VGLL4: variants seen among roughly 807,000 people sequenced by gnomAD.
VGLL4 encodes vestigial like family member 4.
A neutral mutation model predicts 21.0 loss-of-function variants in VGLL4; 7 were observed. The observed-to-expected ratio is 0.33, with a 90% CI of 0.19 to 0.63. VGLL4 has a LOEUF of 0.63. VGLL4 is among the 20% of genes least tolerant of loss of function. The pLI is 0.78. For synonymous variants in VGLL4, 222 were observed against 173.2 expected (o/e 1.28, Z -2.21); for missense variants, 394 against 425.7 (o/e 0.93, Z 0.66).
intron 2 of VGLL4, among the ~76,000 whole-genome samples, chr3:11,667,412 C>T (rs966091616): frequency 1.3e-5 from 2 of 152,210 alleles, no homozygotes; most frequent in African/African-American, 2.4e-5. Flanking sequence ...CTTTATATTA[C>T]GTACCTTTAT....
chr3:11,628,001 G>A (rs1349093036), intron 1 of VGLL4, among the ~76,000 whole-genome samples: 1 of 152,200 alleles, frequency 6.6e-6, no homozygotes, highest in Non-Finnish European at 1.5e-5. Context: ...AGCTACATGA[G>A]AGGCTTCTGA....
At chr3:11,611,583 T>TG (rs2075063637) in intron 1 of VGLL4, 1 of 152,260 alleles carries the variant, frequency 6.6e-6, no homozygotes, top group South Asian at 2.1e-4. Flanking sequence ...AACCTGGTTC[T>TG]GACACCAAAG....
intron 1 of VGLL4, among the ~76,000 whole-genome samples, chr3:11,640,838 C>A (rs1406995048): frequency 6.6e-6 from 1 of 152,140 alleles, no homozygotes; most frequent in East Asian, 1.9e-4. Flanking sequence ...ACAGTACAGG[C>A]TGAGTGCGGT....
At chr3:11,606,841 G>A (rs575852151) in intron 1 of VGLL4, among the ~76,000 whole-genome samples, 1 of 152,242 alleles carries the variant, frequency 6.6e-6, no homozygotes, top group East Asian at 1.9e-4. Context: ...TCCACGCTGT[G>A]GAAGCTTTGT....
intron 2 of VGLL4, among the ~76,000 whole-genome samples, chr3:11,686,130 A>C (rs1286935852): frequency 6.6e-6 from 1 of 152,206 alleles, no homozygotes; most frequent in East Asian, 1.9e-4. Flanking sequence ...GCAGTTCCTC[A>C]AAAAATTTTT....
chr3:11,689,829 C>T (rs1386755247), intron 2 of VGLL4, among the ~76,000 whole-genome samples: 1 of 152,226 alleles, frequency 6.6e-6, no homozygotes, highest in Non-Finnish European at 1.5e-5. Flanking sequence ...TACAAGTAAA[C>T]AAGCACGGAG....
chr3:11,613,064 C>CA (rs969398797), intron 1 of VGLL4, among the ~76,000 whole-genome samples: 74 of 141,320 alleles, frequency 5.2e-4, no homozygotes, highest in Non-Finnish European at 5.8e-4. Context: ...TGAGGGTAAG[C>CA]AAAAAAAAAA....
At chr3:11,684,884 G>C (rs777804592) in intron 2 of VGLL4, among the ~76,000 whole-genome samples, 2 of 151,930 alleles carry the variant, frequency 1.3e-5, no homozygotes, top group Non-Finnish European at 2.9e-5. Context: ...TGTTTTATAG[G>C]TAAACTTGTG....
chr3:11,598,665 A>AT (rs2074706432), intron 2 of VGLL4, among the ~76,000 whole-genome samples: 1 of 151,774 alleles, frequency 6.6e-6, no homozygotes, highest in Non-Finnish European at 1.5e-5. Context: ...AATTTTTAAA[A>AT]TTTTTTGTAG....
At chr3:11,713,568 T>TTATATATATATATATATATA (rs10690353) in intron 1 of VGLL4, among the ~76,000 whole-genome samples, 38 of 140,284 alleles carry the variant, frequency 2.7e-4, no homozygotes, top group East Asian at 1.2e-3. Flanking sequence ...TATATATTAT[T>TTATATATATATATATATATA]TATATATATA....
Position 11,643,303 on chromosome 3 carries a change from T to A in VGLL4, c.82+134A>T, listed in dbSNP as rs567510931. 1.6e-4 allele frequency: 221 copies of A among 1,364,162 alleles called. 1 individual carries two copies. The African/African-American group carries it at 2.7e-3, about 17-fold the overall frequency. The allele number at this position is 1,364,162 out of a possible 1,614,324, so 84.5% of individuals were successfully genotyped here. A position where few individuals can be genotyped will look rare whatever the true frequency, so the allele number is the denominator to read the frequency against. ...AACACACTCGGTGCCGAACCGAACCTAAGAAACGCCGGCCTTTCAAGTGCC... is the reference window on the plus strand; with the variant it reads ...AACACACTCGGTGCCGAACCGAACCAAAGAAACGCCGGCCTTTCAAGTGCC... On this transcript the variant is annotated intron_variant, in intron 1 of 4. Coordinates refer to ENST00000430365, the MANE Select transcript of VGLL4 (RefSeq NM_001128219.3).
intron 1 of VGLL4, among the ~76,000 whole-genome samples, chr3:11,613,642 G>A (rs1485653351): frequency 6.6e-6 from 1 of 152,136 alleles, no homozygotes; most frequent in Non-Finnish European, 1.5e-5. Context: ...AGTGGGCTGT[G>A]GAGTCAGAAA....
intron 1 of VGLL4, among the ~76,000 whole-genome samples, chr3:11,641,794 G>A (rs564161385): frequency 6.6e-6 from 1 of 152,132 alleles, no homozygotes; most frequent in East Asian, 1.9e-4. Context: ...AGTTTCCTGG[G>A]TGTTGCATGC....
chr3:11,589,650 G>C (rs749250495), intron 2 of VGLL4, among the ~76,000 whole-genome samples: 6 of 152,204 alleles, frequency 3.9e-5, no homozygotes, highest in Admixed American at 3.3e-4. Context: ...TGTGGACTTC[G>C]TGACTTAAAC....
chr3:11,615,401 C>A (rs1279098447), intron 1 of VGLL4, among the ~76,000 whole-genome samples: 1 of 152,188 alleles, frequency 6.6e-6, no homozygotes, highest in African/African-American at 2.4e-5. Context: ...CTAATCATTT[C>A]TTTATGATTA....
intron 2 of VGLL4, among the ~76,000 whole-genome samples, chr3:11,581,632 C>G (rs932084342): frequency 6.6e-6 from 1 of 152,160 alleles, no homozygotes; most frequent in African/African-American, 2.4e-5. Flanking sequence ...TGTGAAAGAT[C>G]TCTCAATCTC....
At chr3:11,672,693 GA>G (rs2076234418) in intron 2 of VGLL4, among the ~76,000 whole-genome samples, 1 of 152,176 alleles carries the variant, frequency 6.6e-6, no homozygotes, top group South Asian at 2.1e-4. Flanking sequence ...AGGACACGGA[GA>G]ACCGGTAACT....
rs1049611619 is a variant in VGLL4, at chr3:11,556,385, C to T, written c.*2171G>A. On this transcript the variant is annotated 3_prime_UTR_variant, in exon 5 of 5. Transcript: ENST00000430365. ...TAGGTCAGTGCACCAGGGACCCGGC[C>T]GCCAGCACCGCCGACCCCTCCCAGA... is the stretch of plus-strand genomic sequence containing the variant. The T allele has an allele frequency of 2.6e-5, 4 of 152,852 alleles. No homozygotes were observed. The highest frequency in any genetic ancestry group is 2.0e-4 in the Admixed American group (3 of 15,268). The allele number at this position is 152,852 out of a possible 1,614,324, so 9.5% of individuals were successfully genotyped here. A position where few individuals can be genotyped will look rare whatever the true frequency, so the allele number is the denominator to read the frequency against.
chr3:11,594,068 T>C (rs2074574166), intron 2 of VGLL4, among the ~76,000 whole-genome samples: 1 of 152,226 alleles, frequency 6.6e-6, no homozygotes, highest in Admixed American at 6.5e-5. Flanking sequence ...GCACTTCCCC[T>C]AGAGACAGGG....
Sources: gnomAD v4.1 joint callset for allele counts (sites outside exome capture counted in the v4.1 genomes callset) on GRCh38, gnomAD v4.1.1 for gene constraint, MANE v1.5 for transcripts, NCBI Gene and HGNC (gene_info 2026-07-23, HGNC 2026-07-21) for gene names.